TASP1: variants seen among roughly 807,000 people sequenced by gnomAD.
The protein encoded by TASP1 is taspase 1.
In TASP1, 16 loss-of-function variants were observed where a neutral mutation model predicts 56.6. The observed-to-expected ratio is 0.28, with a 90% confidence interval of 0.19 to 0.43. The LOEUF is 0.43. Ranked by LOEUF, TASP1 falls within the 20% of genes least tolerant of loss-of-function variation. TASP1 has a pLI of 1.00. For synonymous variants in TASP1, 179 were observed against 184.2 expected, an observed-to-expected ratio of 0.97 and a Z score of 0.23; for missense variants, 393 against 511.6, an observed-to-expected ratio of 0.77 and a Z score of 2.24.
intron 13 of TASP1, among the ~76,000 whole-genome samples, chr20:13,412,386 T>A (rs1379843845): frequency 6.6e-6 from 1 of 152,216 alleles, no homozygotes; most frequent in East Asian, 1.9e-4. Context: ...TGGAATTTAG[T>A]TTACTTAGGT....
At chr20:13,304,012 C>A in the TASP1 span, among the ~76,000 whole-genome samples, 5 of 152,246 alleles carry the variant, frequency 3.3e-5, no homozygotes, top group Non-Finnish European at 5.9e-5. Context: ...GACCCAGACT[C>A]CTTCCATCTT....
chr20:13,503,294 C>G (rs78492218), intron 10 of TASP1, among the ~76,000 whole-genome samples: 1 of 152,056 alleles, frequency 6.6e-6, no homozygotes, highest in Non-Finnish European at 1.5e-5. Context: ...AAGCATGACC[C>G]CATGGATGGC....
At chr20:13,627,171 G>A (rs2048924371) in intron 2 of TASP1, among the ~76,000 whole-genome samples, 1 of 152,098 alleles carries the variant, frequency 6.6e-6, no homozygotes, top group Non-Finnish European at 1.5e-5. Flanking sequence ...AAACAGTATA[G>A]GCAGTGGGAA....
At chr20:13,312,711 T>A in the TASP1 span, among the ~76,000 whole-genome samples, 1 of 152,064 alleles carries the variant, frequency 6.6e-6, no homozygotes, top group African/African-American at 2.4e-5. Context: ...GGCTCCCACC[T>A]CCAGCTGAAA....
chr20:13,446,648 T>TA (rs1158900761), intron 11 of TASP1, among the ~76,000 whole-genome samples: 3 of 151,990 alleles, frequency 2.0e-5, no homozygotes, highest in South Asian at 4.2e-4. Flanking sequence ...CACTTAGCCC[T>TA]AAAAAAAATT....
chr20:13,276,598 A>G, the TASP1 span, among the ~76,000 whole-genome samples: 2 of 152,222 alleles, frequency 1.3e-5, no homozygotes, highest in African/African-American at 4.8e-5. Flanking sequence ...GAAGAAAAAA[A>G]TATACTAAGA....
chr20:13,638,435 T>A (rs1568682682), intron 1 of TASP1, among the ~76,000 whole-genome samples: 1 of 151,686 alleles, frequency 6.6e-6, no homozygotes, highest in Non-Finnish European at 1.5e-5. Flanking sequence ...CTCCTCCCCC[T>A]GAGTAGTAAG....
At chr20:13,170,186 A>T in the TASP1 span, among the ~76,000 whole-genome samples, 2 of 152,226 alleles carry the variant, frequency 1.3e-5, no homozygotes, top group African/African-American at 4.8e-5. Flanking sequence ...TAATGGCTTC[A>T]TCTTGGAAGG....
At chr20:13,528,371 T>C (rs1370723834) in intron 10 of TASP1, 62 bp downstream of exon 10, 2 of 1,449,606 alleles carry the variant, frequency 1.4e-6, no homozygotes, top group Non-Finnish European at 1.9e-6. Flanking sequence ...AATATTGCTT[T>C]TAATCATTAA....
At chr20:13,495,236 C>T (rs1024701076) in intron 10 of TASP1, among the ~76,000 whole-genome samples, 2 of 151,820 alleles carry the variant, frequency 1.3e-5, no homozygotes, top group South Asian at 2.1e-4. Context: ...AAGTTTGAGC[C>T]AATGTTATTT....
Position 13,633,040 on chromosome 20 carries a change from A to C in TASP1, c.-74-2888T>G, listed in dbSNP as rs571662095. Among the ~76,000 whole-genome samples, 8 of 152,358 alleles carry C rather than the reference A, an allele frequency of 5.3e-5. No individual in the cohort carries two copies. In the South Asian group the frequency reaches 1.7e-3, roughly 32 times the overall value. On this transcript the variant is annotated intron_variant, in intron 1 of 13. Coordinates refer to ENST00000337743, the MANE Select transcript of TASP1 (RefSeq NM_017714.3). ...AAACCGGAGCTAAGTTGCTAGCGGC[A>C]GTATAAATTGGTACGACTCAACAAC...
chr20:13,499,618 A>G (rs2043869564), intron 10 of TASP1, among the ~76,000 whole-genome samples: 3 of 152,172 alleles, frequency 2.0e-5, no homozygotes. Flanking sequence ...TGAGTACCAA[A>G]GTCAAGAGTT....
chr20:13,174,127 G>A, the TASP1 span, among the ~76,000 whole-genome samples: 1 of 152,156 alleles, frequency 6.6e-6, no homozygotes, highest in Non-Finnish European at 1.5e-5. Flanking sequence ...TGTGAATGAT[G>A]TGAAAATGAA....
chr20:13,233,666 A>G, the TASP1 span, among the ~76,000 whole-genome samples: 1 of 152,178 alleles, frequency 6.6e-6, no homozygotes, highest in Non-Finnish European at 1.5e-5. Flanking sequence ...GAATTGAGGA[A>G]ATTCTGACCT....
chr20:13,400,142 G>A (rs1273732036), intron 13 of TASP1, among the ~76,000 whole-genome samples: 1 of 152,154 alleles, frequency 6.6e-6, no homozygotes, highest in African/African-American at 2.4e-5. Context: ...CCACCAGTAT[G>A]TAAGTCCTCA....
chr20:13,202,829 G>A, the TASP1 span, among the ~76,000 whole-genome samples: 1 of 152,252 alleles, frequency 6.6e-6, no homozygotes, highest in African/African-American at 2.4e-5. Flanking sequence ...CCACCTGTGA[G>A]TGGTTGAATT....
intron 4 of TASP1, among the ~76,000 whole-genome samples, chr20:13,591,323 A>G (rs2047524291): frequency 6.6e-6 from 1 of 152,204 alleles, no homozygotes; most frequent in South Asian, 2.1e-4. Context: ...GAAAACCAGC[A>G]ATAAAATCTT....
chr20:13,636,220 A>C (rs539197524), intron 1 of TASP1, among the ~76,000 whole-genome samples: 1 of 139,698 alleles, frequency 7.2e-6, no homozygotes, highest in Non-Finnish European at 1.5e-5. Context: ...ATCTGAACTC[A>C]CTGCAATCTC....
chr20:13,488,978 G>A (rs2043424553), intron 10 of TASP1, among the ~76,000 whole-genome samples: 1 of 152,110 alleles, frequency 6.6e-6, no homozygotes, highest in African/African-American at 2.4e-5. Flanking sequence ...AAACATGCCT[G>A]GCAAAAGCCC....
Sources: allele counts gnomAD v4.1 joint callset (sites outside exome capture counted in the v4.1 genomes callset), GRCh38; gene constraint gnomAD v4.1.1; transcripts MANE v1.5; gene names NCBI Gene and HGNC (gene_info 2026-07-23, HGNC 2026-07-21).